CDKAL1: variants seen among roughly 807,000 people sequenced by gnomAD.
The protein encoded by CDKAL1 is threonylcarbamoyladenosine tRNA methylthiotransferase.
A neutral mutation model predicts 68.2 loss-of-function variants in CDKAL1; 32 were observed. The observed-to-expected ratio is 0.47, with a 90% CI of 0.35 to 0.63. The LOEUF is 0.63. Among genes scored for constraint, CDKAL1 ranks in the 30% least tolerant of loss-of-function variants. CDKAL1 has a pLI of 0.00. For synonymous variants in CDKAL1, 234 were observed against 244.3 expected (o/e 0.96, Z 0.39); for missense variants, 606 against 696.7 (o/e 0.87, Z 1.47).
At chr6:20,711,357 A>C (rs16884146) in intron 5 of CDKAL1, among the ~76,000 whole-genome samples, 2,287 of 152,330 alleles carry the variant, frequency 0.015, 50 homozygotes, top group African/African-American at 0.052. Context: ...AGACTTCTAC[A>C]TTTGTAAATA....
At chr6:20,824,802 C>T (rs1777433657) in intron 8 of CDKAL1, among the ~76,000 whole-genome samples, 1 of 140,140 alleles carries the variant, frequency 7.1e-6, no homozygotes. Context: ...ATTCTGGAGG[C>T]CATATTCCAG....
At chr6:20,851,933 C>T (rs1430298270) in intron 9 of CDKAL1, among the ~76,000 whole-genome samples, 2 of 151,870 alleles carry the variant, frequency 1.3e-5, no homozygotes, top group East Asian at 3.9e-4. Flanking sequence ...TTAGTATACA[C>T]TGATTTCGAC....
Position 20,830,828 on chromosome 6 carries a change from G to A in CDKAL1, c.639-15247G>A, listed in dbSNP as rs188735982. ...TTAAACCGCATTTCAGAAAATGTGG[G>A]TTTTGCTTCTTCAAACTAATTAGCT... is the stretch of plus-strand genomic sequence containing the variant. On this transcript the variant is annotated intron_variant, in intron 8 of 15. Coordinates refer to ENST00000274695, the MANE Select transcript of CDKAL1 (RefSeq NM_017774.3). 1.3e-3 allele frequency among the ~76,000 whole-genome samples: 195 copies of A among 152,192 alleles called. 2 individuals are homozygous for A. The highest frequency in any genetic ancestry group is 2.5e-3 in the Non-Finnish European group (172 of 68,016).
At chr6:21,042,332 A>T (rs1305364900) in intron 11 of CDKAL1, among the ~76,000 whole-genome samples, 1 of 151,974 alleles carries the variant, frequency 6.6e-6, no homozygotes, top group African/African-American at 2.4e-5. Flanking sequence ...ACTGTTTTAG[A>T]ACCTCACTGC....
At chr6:20,719,118 A>G (rs1455586030) in intron 5 of CDKAL1, among the ~76,000 whole-genome samples, 3 of 152,188 alleles carry the variant, frequency 2.0e-5, no homozygotes, top group African/African-American at 4.8e-5. Context: ...TTCCTGAACC[A>G]TCCTGCCTTT....
At chr6:21,183,545 A>C (rs1270340912) in intron 13 of CDKAL1, among the ~76,000 whole-genome samples, 2 of 152,224 alleles carry the variant, frequency 1.3e-5, no homozygotes, top group East Asian at 3.8e-4. Flanking sequence ...CTTGAAATTA[A>C]AATTCCCTCA....
At chr6:21,097,096 CA>C in intron 12 of CDKAL1, among the ~76,000 whole-genome samples, 1 of 152,266 alleles carries the variant, frequency 6.6e-6, no homozygotes, top group East Asian at 1.9e-4. Flanking sequence ...AGTTTAGATT[CA>C]GGGTATTCAA....
At chr6:20,934,709 T>C (rs904366604) in intron 9 of CDKAL1, among the ~76,000 whole-genome samples, 1 of 151,620 alleles carries the variant, frequency 6.6e-6, no homozygotes, top group Non-Finnish European at 1.5e-5. Flanking sequence ...TAGCTGGACA[T>C]AGTGGGATGC....
chr6:21,217,554 A>G (rs1779386309), intron 15 of CDKAL1, among the ~76,000 whole-genome samples: 1 of 151,712 alleles, frequency 6.6e-6, no homozygotes, highest in Non-Finnish European at 1.5e-5. Context: ...CTGGAGTGCA[A>G]TAACACGATC....
intron 9 of CDKAL1, among the ~76,000 whole-genome samples, chr6:20,912,176 T>C (rs374295024): frequency 2.6e-5 from 4 of 152,322 alleles, no homozygotes; most frequent in South Asian, 4.1e-4. Flanking sequence ...TATTATTGTT[T>C]CTTTCAAATT....
intron 10 of CDKAL1, among the ~76,000 whole-genome samples, chr6:20,994,613 A>G (rs1767005847): frequency 6.6e-6 from 1 of 152,250 alleles, no homozygotes; most frequent in Non-Finnish European, 1.5e-5. Context: ...GAGATACTGC[A>G]GGTTTGGTTC....
chr6:21,189,679 C>T (rs1778156747), intron 13 of CDKAL1, among the ~76,000 whole-genome samples: 1 of 152,180 alleles, frequency 6.6e-6, no homozygotes. Context: ...TCATTTTTGA[C>T]ACACATTCTT....
At chr6:21,160,641 A>C (rs1776876072) in intron 13 of CDKAL1, among the ~76,000 whole-genome samples, 1 of 74,860 alleles carries the variant, frequency 1.3e-5, no homozygotes. Context: ...ACACAGACAC[A>C]CACACACACA....
At chr6:21,092,182 G>A (rs1420694342) in intron 12 of CDKAL1, among the ~76,000 whole-genome samples, 9 of 146,996 alleles carry the variant, frequency 6.1e-5, no homozygotes, top group Non-Finnish European at 1.3e-4. Flanking sequence ...CACTGCGCCT[G>A]GCCAGGCTCA....
rs769939318 is a variant in CDKAL1, at chr6:20,787,555, C to T, written c.638+6290C>T. Among the ~76,000 whole-genome samples, 62 of 152,314 alleles carry T rather than the reference C, an allele frequency of 4.1e-4. 1 individual carries two copies. Among genetic ancestry groups the T allele is most frequent in the Admixed American group, 1.9e-3 (29 of 15,296 alleles). On this transcript the variant is annotated intron_variant, in intron 8 of 15. Coordinates refer to ENST00000274695, the MANE Select transcript of CDKAL1 (RefSeq NM_017774.3). ...GTAACGTTGGTGGAGTCCTCGTTGT[C>T]TCTCTTTTTGGGTGGTGAAATCAAA... is the stretch of plus-strand genomic sequence containing the variant.
At chr6:20,825,542 G>A (rs1777468027) in intron 8 of CDKAL1, among the ~76,000 whole-genome samples, 1 of 151,866 alleles carries the variant, frequency 6.6e-6, no homozygotes, top group South Asian at 2.1e-4. Context: ...GGTTTGGTGG[G>A]GTTTTTTGTA....
At chr6:20,589,190 T>G (rs532954940) in intron 4 of CDKAL1, among the ~76,000 whole-genome samples, 7 of 152,294 alleles carry the variant, frequency 4.6e-5, no homozygotes, top group African/African-American at 1.7e-4. Flanking sequence ...ATCATTGATA[T>G]CATTGATTAG....
chr6:21,023,697 T>A (rs1175094432), intron 11 of CDKAL1, among the ~76,000 whole-genome samples: 2 of 152,220 alleles, frequency 1.3e-5, no homozygotes, highest in Admixed American at 1.3e-4. Context: ...TTCCTGATTT[T>A]TATTTTACTT....
intron 4 of CDKAL1, among the ~76,000 whole-genome samples, chr6:20,588,107 A>G (rs546476165): frequency 6.6e-6 from 1 of 152,168 alleles, no homozygotes; most frequent in Non-Finnish European, 1.5e-5. Context: ...AAAACAAAAC[A>G]AAATAAAACA....
Sources: allele counts gnomAD v4.1 joint callset (sites outside exome capture counted in the v4.1 genomes callset), GRCh38; gene constraint gnomAD v4.1.1; transcripts MANE v1.5; gene names NCBI Gene and HGNC (gene_info 2026-07-23, HGNC 2026-07-21).